Variants in ERC2 observed in about 807,000 individuals in gnomAD.
ERC2 encodes ELKS/RAB6-interacting/CAST family member 2.
In ERC2, 42 loss-of-function variants were observed where a neutral mutation model predicts 114.8. The observed-to-expected ratio is 0.37, with a 90% CI of 0.29 to 0.47. The LOEUF is 0.47. Among genes scored for constraint, ERC2 ranks in the 20% least tolerant of loss-of-function variants. ERC2 has a pLI of 0.99. For synonymous variants in ERC2, 454 were observed against 425.5 expected, an observed-to-expected ratio of 1.07 and a Z score of -0.82; for missense variants, 939 against 1,150.7, an observed-to-expected ratio of 0.82 and a Z score of 2.66.
Position 56,176,386 on chromosome 3 carries a change from C to T in ERC2, c.1075-2866G>A, listed in dbSNP as rs143462078. On this transcript the variant is annotated intron_variant, in intron 3 of 17. Transcript: ENST00000288221. ...GTGCTGTTGTAATTTCTGCCAAACA[C>T]GAAAACATTGTCAAGGGTAAACATG... 2.3e-3 allele frequency among the ~76,000 whole-genome samples: 347 copies of T among 152,128 alleles called. 2 individuals carry two copies. Among genetic ancestry groups the T allele is most frequent in the African/African-American group, 8.0e-3 (332 of 41,500 alleles).
intron 14 of ERC2, among the ~76,000 whole-genome samples, chr3:55,813,577 C>A (rs1156785358): frequency 6.6e-6 from 1 of 152,190 alleles, no homozygotes; most frequent in Non-Finnish European, 1.5e-5. Context: ...ATCTGCCCTG[C>A]ACTGAGCTGG....
chr3:56,168,345 G>A (rs2082433930), intron 4 of ERC2, among the ~76,000 whole-genome samples: 2 of 152,160 alleles, frequency 1.3e-5, no homozygotes, highest in Admixed American at 6.5e-5. Context: ...GTTTTTAATA[G>A]CCACAAAAGG....
At chr3:56,144,856 AT>A (rs1463552589) in intron 5 of ERC2, among the ~76,000 whole-genome samples, 9 of 152,236 alleles carry the variant, frequency 5.9e-5, no homozygotes, top group African/African-American at 1.9e-4. Flanking sequence ...GGTAAAAAAA[AT>A]CATATTCTCC....
rs535950470 is a variant in ERC2, at chr3:55,706,077, G to A, written c.2713-6565C>T. On this transcript the variant is annotated intron_variant, in intron 15 of 17. Transcript: ENST00000288221. Reference sequence around the variant, plus strand: ...GGAATGGGGCAGATGGGAAGTGTTAGGGAGCTCACGCCCCTGAAACAACTC... The same window carrying A: ...GGAATGGGGCAGATGGGAAGTGTTAAGGAGCTCACGCCCCTGAAACAACTC... Among the ~76,000 whole-genome samples, 306 of 152,062 alleles carry A rather than the reference G, an allele frequency of 2.0e-3. 2 individuals carry two copies. Among genetic ancestry groups the A allele is most frequent in the African/African-American group, 7.0e-3 (289 of 41,498 alleles).
chr3:56,016,347 G>A (rs1045353223), intron 8 of ERC2, among the ~76,000 whole-genome samples: 4 of 150,826 alleles, frequency 2.7e-5, no homozygotes, highest in Non-Finnish European at 5.9e-5. Flanking sequence ...TGGGTTTTAC[G>A]TTTAAATCTC....
intron 3 of ERC2, among the ~76,000 whole-genome samples, chr3:56,286,510 G>T (rs2054728108): frequency 1.4e-5 from 2 of 146,658 alleles, no homozygotes; most frequent in South Asian, 4.5e-4. Context: ...AGTAAGATTT[G>T]ATCCTCTAAA....
At chr3:56,126,203 A>G (rs2079854093) in intron 6 of ERC2, among the ~76,000 whole-genome samples, 1 of 152,200 alleles carries the variant, frequency 6.6e-6, no homozygotes. Flanking sequence ...CTTTAGAAAA[A>G]TTTGCCAAGT....
intron 14 of ERC2, among the ~76,000 whole-genome samples, chr3:55,737,814 T>C (rs2065731256): frequency 6.6e-6 from 1 of 152,214 alleles, no homozygotes; most frequent in African/African-American, 2.4e-5. Context: ...TCAAGGCCGT[T>C]TGTATAGTGA....
intron 12 of ERC2, among the ~76,000 whole-genome samples, chr3:55,955,356 C>G (rs2067881900): frequency 6.6e-6 from 1 of 151,684 alleles, no homozygotes; most frequent in African/African-American, 2.4e-5. Context: ...GGTTTTTGTT[C>G]AATCAAAATA....
chr3:55,675,894 CTTTTCTTTCTTTTTTT>C (rs1461588114), intron 17 of ERC2, among the ~76,000 whole-genome samples: 7 of 70,468 alleles, frequency 9.9e-5, no homozygotes, highest in East Asian at 3.4e-4. Context: ...CTTTCTTTCT[CTTTTCTTTCTTTTTTT>C]TTTTTTTTTT....
At chr3:56,132,064 C>G (rs964028225) in intron 6 of ERC2, among the ~76,000 whole-genome samples, 31 of 152,150 alleles carry the variant, frequency 2.0e-4, no homozygotes, top group African/African-American at 4.3e-4. Flanking sequence ...CTCTTTTGCT[C>G]CAAATGGGTC....
At chr3:56,257,485 A>G (rs542868175) in intron 3 of ERC2, among the ~76,000 whole-genome samples, 67 of 152,192 alleles carry the variant, frequency 4.4e-4, no homozygotes, top group South Asian at 1.9e-3. Flanking sequence ...TCCATTTCCC[A>G]CCCTGAATAA....
At chr3:55,573,343 G>A (rs958233115) in intron 17 of ERC2, among the ~76,000 whole-genome samples, 1 of 152,222 alleles carries the variant, frequency 6.6e-6, no homozygotes, top group South Asian at 2.1e-4. Context: ...CATTTAGCAT[G>A]AAGCCAGGCA....
At chr3:55,839,988 G>A (rs1306408730) in intron 14 of ERC2, among the ~76,000 whole-genome samples, 1 of 151,870 alleles carries the variant, frequency 6.6e-6, no homozygotes, top group Admixed American at 6.6e-5. Flanking sequence ...AAAGTAAAAA[G>A]CTGGAAAAAT....
intron 16 of ERC2, among the ~76,000 whole-genome samples, chr3:55,692,393 G>T (rs1305995886): frequency 6.6e-6 from 1 of 152,166 alleles, no homozygotes; most frequent in Non-Finnish European, 1.5e-5. Context: ...TATGAAAAAA[G>T]AACTAGGGCC....
At chr3:55,828,319 A>T (rs2060416945) in intron 14 of ERC2, among the ~76,000 whole-genome samples, 1 of 152,174 alleles carries the variant, frequency 6.6e-6, no homozygotes, top group Non-Finnish European at 1.5e-5. Flanking sequence ...ACCACAAAAT[A>T]AAAATTCCTG....
At chr3:56,399,211 C>T (rs925535278) in intron 2 of ERC2, among the ~76,000 whole-genome samples, 11 of 152,240 alleles carry the variant, frequency 7.2e-5, no homozygotes, top group Admixed American at 3.9e-4. Flanking sequence ...ACAGAGGTTA[C>T]AGTAAATGCT....
chr3:55,869,501 A>G (rs901568434), intron 14 of ERC2, among the ~76,000 whole-genome samples: 1 of 152,152 alleles, frequency 6.6e-6, no homozygotes, highest in Non-Finnish European at 1.5e-5. Flanking sequence ...TGGGTTCCAT[A>G]TGAAACCATT....
At chr3:55,742,732 C>T (rs766551850) in intron 14 of ERC2, among the ~76,000 whole-genome samples, 3 of 152,138 alleles carry the variant, frequency 2.0e-5, no homozygotes, top group Non-Finnish European at 2.9e-5. Context: ...GACGAAAGAT[C>T]CTATTCAAAA....
Sources: allele counts gnomAD v4.1 joint callset (sites outside exome capture counted in the v4.1 genomes callset), GRCh38; gene constraint gnomAD v4.1.1; transcripts MANE v1.5; gene names NCBI Gene and HGNC (gene_info 2026-07-23, HGNC 2026-07-21).